ZNF473: variants seen among roughly 807,000 people sequenced by gnomAD.
ZNF473 encodes the protein zinc finger protein 100 homolog.
ZNF473 carries 4 observed loss-of-function variants against 11.1 expected under a neutral mutation model. The ratio of observed to expected loss-of-function variants is 0.36; its 90% CI spans 0.18 to 0.82. The LOEUF (loss-of-function observed/expected upper bound fraction) is 0.82, where lower values mean the gene tolerates loss of function less well. Among genes scored for constraint, ZNF473 ranks in the 40% least tolerant of loss-of-function variants. ZNF473 has a pLI of 0.49. For synonymous variants in ZNF473, 404 were observed against 390.4 expected, an observed-to-expected ratio of 1.03 and a Z score of -0.41; for missense variants, 854 against 1,084.0, an observed-to-expected ratio of 0.79 and a Z score of 2.98.
At chr19:50,033,261 G>T (rs1408798459) in intron 2 of ZNF473, among the ~76,000 whole-genome samples, 1 of 152,134 alleles carries the variant, frequency 6.6e-6, no homozygotes, top group African/African-American at 2.4e-5. Context: ...AGAACTGAGG[G>T]ACACAATCTT....
intron 1 of ZNF473, among the ~76,000 whole-genome samples, chr19:50,026,550 TAAAA>T (rs71180669): frequency 0.12 from 14,819 of 119,152 alleles, 918 homozygotes; most frequent in East Asian, 0.16. Context: ...GACTACATCT[TAAAA>T]AAAAAAAAAA....
intron 1 of ZNF473, among the ~76,000 whole-genome samples, chr19:50,030,162 T>C (rs548528664): frequency 3.3e-5 from 5 of 152,068 alleles, no homozygotes; most frequent in Non-Finnish European, 7.4e-5. Context: ...ATTCTACATA[T>C]TGGTGGTGTT....
chr19:50,044,622 G>A lies in ZNF473; in HGVS notation c.227-48G>A, dbSNP rs762303702. On this transcript the variant is annotated intron_variant, in intron 4 of 4. Coordinates refer to ENST00000270617, the MANE Select transcript of ZNF473 (RefSeq NM_015428.4). The stretch of plus-strand genomic sequence containing the variant: ...CTATCACCCCTACTTGCTCTTGTCT[G>A]TGTTCTCACCCTTAGTGAACAGGAG... The A allele has an allele frequency of 2.2e-5, 33 of 1,478,634 alleles. No individual in the cohort carries two copies. In the Admixed American group the frequency reaches 5.3e-4, roughly 24 times the overall value. 91.6% of individuals were successfully genotyped at this position (1,478,634 alleles called of 1,614,324 possible).
rs775509323 is a variant in ZNF473 at position 50,045,958 on chromosome 19, C to T, written c.1515C>T (p.His505=). 1 of 1,614,124 alleles carries T rather than the reference C, an allele frequency of 6.2e-7. No individual in the cohort carries two copies. Among genetic ancestry groups the T allele is most frequent in the Admixed American group, 1.7e-5 (1 of 60,004 alleles). The part of the protein sequence containing the change: ...TFSDNNRLVQ[H]QKMHTVKTPY... ...GCGATAACAATCGCCTTGTGCAACA[C>T]CAGAAAATGCACACTGTCAAAACCC... Residue 505 remains histidine, a synonymous_variant, in exon 5 of 5, where the codon CAC becomes CAT. Coordinates refer to ENST00000270617, the MANE Select transcript of ZNF473 (RefSeq NM_015428.4).
intron 1 of ZNF473, among the ~76,000 whole-genome samples, chr19:50,028,084 G>A (rs1220989105): frequency 1.3e-5 from 2 of 152,004 alleles, no homozygotes; most frequent in East Asian, 3.9e-4. Flanking sequence ...GGATCACGAG[G>A]TCAGGAGATC....
rs769376439 is a variant in ZNF473, at chr19:50,046,869, C to T, written c.2426C>T (p.Thr809Ile). ...CTAACACAGCACCAGAGAATTCACA[C>T]AGGGGAGAAGCCTTACTCCTGTAAT... The part of the protein sequence containing the change: ...ANLTQHQRIH[T>I]GEKPYSCNVC... Residue 809 changes from threonine to isoleucine, a missense_variant, in exon 5 of 5, where the codon ACA (threonine) becomes ATA (isoleucine). Transcript: ENST00000270617. This position sits in a 1 kb window ranked among gnomAD's most constrained non-coding sequence, Gnocchi z 5.9. 1.9e-6 allele frequency: 3 copies of T among 1,614,202 alleles called. No individual in the cohort carries two copies. The highest frequency in any genetic ancestry group is 2.5e-6 in the Non-Finnish European group (3 of 1,180,048).
intron 2 of ZNF473, among the ~76,000 whole-genome samples, chr19:50,034,601 A>T (rs1446487935): frequency 2.6e-5 from 4 of 152,000 alleles, no homozygotes; most frequent in Admixed American, 2.6e-4. Context: ...CACTTGCTTT[A>T]TTACTCAAAT....
rs10406698 is a variant in ZNF473 at position 50,048,675 on chromosome 19, G to A, written c.*1616G>A. On this transcript the variant is annotated 3_prime_UTR_variant, in exon 5 of 5. Transcript: ENST00000270617. Reference sequence around the variant, plus strand: ...AAACTGGCAGCCATTGGGTGTGGGGGCAGTCTGTAAATCAGTCACCTGTGT... The same window carrying A: ...AAACTGGCAGCCATTGGGTGTGGGGACAGTCTGTAAATCAGTCACCTGTGT... The A allele has an allele frequency of 0.052, 7,986 of 152,362 alleles. 692 individuals carry two copies. Among genetic ancestry groups the A allele is most frequent in the African/African-American group, 0.18 (7,586 of 41,538 alleles). 9.4% of individuals were successfully genotyped at this position (152,362 alleles called of 1,614,324 possible).
chr19:50,041,587 G>A lies in ZNF473; in HGVS notation c.137-143G>A, dbSNP rs10419985. ...CTACAGGACAGGCATCCCCAGAGTC[G>A]CCCAGTGCAGCACCTCGTCCACACA... On this transcript the variant is annotated intron_variant, in intron 3 of 4. Transcript: ENST00000270617. The A allele has an allele frequency of 0.017, 10,091 of 591,262 alleles. 822 individuals are homozygous for A. The African/African-American group carries it at 0.18, about 10-fold the overall frequency. The allele number at this position is 591,262 out of a possible 1,614,324, so 36.6% of individuals were successfully genotyped here.
rs181107748 is a variant in ZNF473, at chr19:50,035,610, G to A, written c.10-3551G>A. ...CTTTTTTCCTGTACCTAGCACAGGG[G>A]CTGGCTCGTAGTAGGTGCTTGGTCA... On this transcript the variant is annotated intron_variant, in intron 2 of 4. Transcript: ENST00000270617. 1.9e-3 allele frequency among the ~76,000 whole-genome samples: 291 copies of A among 152,218 alleles called. 2 individuals carry two copies. The Middle Eastern group carries it at 0.02, about 11-fold the overall frequency.
At chr19:50,034,446 A>G (rs564410927) in intron 2 of ZNF473, among the ~76,000 whole-genome samples, 1 of 152,194 alleles carries the variant, frequency 6.6e-6, no homozygotes, top group Non-Finnish European at 1.5e-5. Flanking sequence ...AGAAATGCAC[A>G]CACATCAAAT....
At chr19:50,038,213 A>C (rs945644272) in intron 2 of ZNF473, among the ~76,000 whole-genome samples, 3 of 146,828 alleles carry the variant, frequency 2.0e-5, no homozygotes, top group African/African-American at 7.5e-5. Context: ...TATATATATA[A>C]TTATATATAA....
Position 50,039,053 on chromosome 19 carries a change from G to A in ZNF473, c.10-108G>A, listed in dbSNP as rs1978625390. 2 of 1,441,356 alleles carry A rather than the reference G, an allele frequency of 1.4e-6. No homozygotes were observed. Among genetic ancestry groups the A allele is most frequent in the African/African-American group, 1.4e-5 (1 of 71,112 alleles). 89.3% of individuals were successfully genotyped at this position (1,441,356 alleles called of 1,614,324 possible). A position where few individuals can be genotyped will look rare whatever the true frequency, so the allele number is the denominator to read the frequency against. On this transcript the variant is annotated intron_variant, in intron 2 of 4. Transcript: ENST00000270617. This position sits in a 1 kb window ranked among gnomAD's most constrained non-coding sequence, Gnocchi z 4.8. ...TTCTTGTGAGGCTGAGGATGGGATGGTTTTTGCCAAAGCCCTGGCAGATTG... is the reference window on the plus strand; with the variant it reads ...TTCTTGTGAGGCTGAGGATGGGATGATTTTTGCCAAAGCCCTGGCAGATTG...
chr19:50,039,320 C>A lies in ZNF473; in HGVS notation c.136+33C>A. ...TTGCCTGTCCCCAGGGGCCTACTCA[C>A]TGCCCTGCTTGGTGATCACCCATGC... On this transcript the variant is annotated intron_variant, in intron 3 of 4. Coordinates refer to ENST00000270617, the MANE Select transcript of ZNF473 (RefSeq NM_015428.4). This position sits in a 1 kb window ranked among gnomAD's most constrained non-coding sequence, Gnocchi z 4.8. The A allele has an allele frequency of 6.2e-7, 1 of 1,612,412 alleles. No homozygotes were observed. Among genetic ancestry groups the A allele is most frequent in the Non-Finnish European group, 8.5e-7 (1 of 1,178,926 alleles).
chr19:50,026,149 T>C (rs1372595666), intron 1 of ZNF473, 27 bp downstream of exon 1: 11 of 152,692 alleles, frequency 7.2e-5, no homozygotes, highest in Non-Finnish European at 1.5e-4. Flanking sequence ...GCTGAGGGAC[T>C]TGCGGGCTCG....
Position 50,046,030 on chromosome 19 carries a change from C to A in ZNF473, c.1587C>A (p.Thr529=). The change falls in exon 5 of 5, where the codon ACC becomes ACA. Residue 529 remains threonine, a synonymous_variant. Coordinates refer to ENST00000270617, the MANE Select transcript of ZNF473 (RefSeq NM_015428.4). This position sits in a 1 kb window ranked among gnomAD's most constrained non-coding sequence, Gnocchi z 5.9. ...GAGAACGCTTCATTTGCGGCTCAAC[C>A]CTGAAGTGCCACGAGAGTGTTCACG... ...ECGERFICGS[T]LKCHESVHAR... is the part of the protein sequence containing the mutation. The A allele has an allele frequency of 6.2e-7, 1 of 1,614,176 alleles. No individual in the cohort carries two copies. Among genetic ancestry groups the A allele is most frequent in the Non-Finnish European group, 8.5e-7 (1 of 1,180,038 alleles).
intron 1 of ZNF473, 129 bp from the exon 2 acceptor site, chr19:50,030,761 CAT>C (rs2077313404): frequency 8.9e-6 from 4 of 449,156 alleles, no homozygotes; most frequent in South Asian, 7.0e-5. Flanking sequence ...ATCTCCTAAA[CAT>C]GTGCTGACTG....
intron 2 of ZNF473, among the ~76,000 whole-genome samples, chr19:50,031,947 G>A (rs938413337): frequency 6.6e-6 from 1 of 151,788 alleles, no homozygotes; most frequent in South Asian, 2.1e-4. Flanking sequence ...GGCCCACACA[G>A]TCCCCGATAC....
intron 4 of ZNF473, 87 bp downstream of exon 4, chr19:50,041,906 C>T: frequency 9.3e-7 from 1 of 1,078,964 alleles, no homozygotes; most frequent in South Asian, 1.5e-5. Context: ...CACAGGTCTA[C>T]CGAGACATTA....
Sources: allele counts gnomAD v4.1 joint callset (sites outside exome capture counted in the v4.1 genomes callset), GRCh38; gene constraint gnomAD v4.1.1; non-coding constraint Gnocchi (gnomAD v3.1); transcripts MANE v1.5; gene names NCBI Gene and HGNC (gene_info 2026-07-23, HGNC 2026-07-21).